The following PKIB variants were observed in gnomAD, a reference collection of about 807,000 sequenced individuals.
PKIB encodes the protein cAMP-dependent protein kinase inhibitor beta, also known as PKI-beta.
In PKIB, 2 loss-of-function variants were observed where a neutral mutation model predicts 4.5. The observed-to-expected ratio is 0.44, with a 90% CI of 0.18 to 1.39. The LOEUF is 1.39. Among genes scored for constraint, PKIB ranks in the 40% most tolerant of loss-of-function variants. The pLI, the probability that PKIB is intolerant of heterozygous loss-of-function variation, is 0.27. For synonymous variants in PKIB, 38 were observed against 36.0 expected (o/e 1.06, Z -0.20); for missense variants, 94 against 92.6 (o/e 1.02, Z -0.06).
intron 3 of PKIB, among the ~76,000 whole-genome samples, chr6:122,592,967 G>T (rs1016007483): frequency 6.6e-6 from 1 of 152,146 alleles, no homozygotes; most frequent in Non-Finnish European, 1.5e-5. Context: ...AATATTTGGG[G>T]TCAAGTAACG....
chr6:122,539,194 C>A (rs1305584336), intron 2 of PKIB, among the ~76,000 whole-genome samples: 3 of 151,960 alleles, frequency 2.0e-5, no homozygotes, highest in Non-Finnish European at 4.4e-5. Context: ...GCCTAATTGC[C>A]CTGGCCAGAA....
Position 122,587,870 on chromosome 6 carries a change from G to C in PKIB, c.-161+1863G>C, listed in dbSNP as rs147690546. 2.0e-3 allele frequency among the ~76,000 whole-genome samples: 309 copies of C among 152,130 alleles called. 7 individuals are homozygous for C. In the East Asian group the frequency reaches 0.042, roughly 20 times the overall value. On this transcript the variant is annotated intron_variant, in intron 3 of 6. Coordinates refer to the PKIB transcript ENST00000392491. ...ATATCCTTCGTCTACTTGTTGATGG[G>C]GTTGTTTTTTTCTTGTAAATTTGTT...
chr6:122,616,849 A>C (rs111393114), intron 1 of PKIB, among the ~76,000 whole-genome samples: 5 of 152,242 alleles, frequency 3.3e-5, no homozygotes, highest in African/African-American at 1.2e-4. Context: ...CATTTTCACT[A>C]ATTTCGTTTA....
At chr6:122,578,531 C>A (rs1347136632) in intron 2 of PKIB, among the ~76,000 whole-genome samples, 2 of 151,896 alleles carry the variant, frequency 1.3e-5, no homozygotes, top group East Asian at 3.9e-4. Flanking sequence ...TTTTCAATTC[C>A]CTATATTAAA....
intron 2 of PKIB, among the ~76,000 whole-genome samples, chr6:122,501,673 C>T (rs943825187): frequency 3.3e-5 from 5 of 152,170 alleles, no homozygotes; most frequent in Non-Finnish European, 7.3e-5. Flanking sequence ...ACCATTTTTC[C>T]CTCCTAGACC....
chr6:122,503,921 C>G (rs149104817), intron 2 of PKIB, among the ~76,000 whole-genome samples: 252 of 152,294 alleles, frequency 1.7e-3, no homozygotes, highest in African/African-American at 5.8e-3. Context: ...TTTAGTCAAA[C>G]ATGTTCAACT....
chr6:122,520,470 G>A (rs1047313307), intron 2 of PKIB, among the ~76,000 whole-genome samples: 5 of 152,152 alleles, frequency 3.3e-5, no homozygotes, highest in African/African-American at 9.7e-5. Context: ...TATCAAGAGT[G>A]TCTATTTACC....
chr6:122,564,906 G>A (rs1773140846), intron 2 of PKIB, among the ~76,000 whole-genome samples: 1 of 152,098 alleles, frequency 6.6e-6, no homozygotes, highest in Non-Finnish European at 1.5e-5. Flanking sequence ...ATTTCTTACA[G>A]CCTTGGGAGG....
intron 2 of PKIB, among the ~76,000 whole-genome samples, chr6:122,583,342 C>T (rs1407964284): frequency 6.6e-6 from 1 of 152,032 alleles, no homozygotes; most frequent in Non-Finnish European, 1.5e-5. Context: ...AGGACTTATA[C>T]ATTCTTAATA....
At chr6:122,636,442 TAAC>T (rs1313735411) in intron 2 of PKIB, among the ~76,000 whole-genome samples, 1 of 152,034 alleles carries the variant, frequency 6.6e-6, no homozygotes, top group African/African-American at 2.4e-5. Context: ...AATCTCATCA[TAAC>T]AATTAAATAT....
At chr6:122,651,659 C>T (rs192782503) in intron 2 of PKIB, among the ~76,000 whole-genome samples, 1 of 152,186 alleles carries the variant, frequency 6.6e-6, no homozygotes. Flanking sequence ...AGGAGAAATT[C>T]ATTTTGTGTT....
chr6:122,677,311 G>GT lies in PKIB; in HGVS notation c.-9+2175dup, dbSNP rs201185967. On this transcript the variant is annotated intron_variant, in intron 3 of 4. Coordinates refer to ENST00000368452, the MANE Select transcript of PKIB (RefSeq NM_181795.3). Reference sequence around the variant, plus strand: ...GGGCTGAAGCAAGGCCTTGGAACTTGTTTTTTTTGTTTATTTGTTTTTTGT... The same window carrying GT: ...GGGCTGAAGCAAGGCCTTGGAACTTGTTTTTTTTTGTTTATTTGTTTTTTGT... Among the ~76,000 whole-genome samples, 28 of 151,884 alleles carry GT rather than the reference G, an allele frequency of 1.8e-4. No homozygotes were observed. In the East Asian group the frequency reaches 4.3e-3, roughly 23 times the overall value.
rs147623318 is a variant in PKIB at position 122,541,498 on chromosome 6, T to C, written c.-247-44423T>C. Among the ~76,000 whole-genome samples the C allele has an allele frequency of 8.4e-3, 1,277 of 152,142 alleles. 7 individuals are homozygous for C. The highest frequency in any genetic ancestry group is 0.015 in the South Asian group (70 of 4,822). ...TTGAAAATTCTGTTCTTTAAGAATGTTGAATATTGGCCCCCACTCTCTTCT... is the reference window on the plus strand; with the variant it reads ...TTGAAAATTCTGTTCTTTAAGAATGCTGAATATTGGCCCCCACTCTCTTCT... On this transcript the variant is annotated intron_variant, in intron 2 of 6. Transcript: ENST00000392491.
At chr6:122,539,619 C>G (rs1297735650) in intron 2 of PKIB, among the ~76,000 whole-genome samples, 1 of 152,064 alleles carries the variant, frequency 6.6e-6, no homozygotes, top group Non-Finnish European at 1.5e-5. Context: ...CAATGTTCAT[C>G]AAGGATATTG....
intron 3 of PKIB, among the ~76,000 whole-genome samples, chr6:122,597,427 G>C (rs1774212822): frequency 6.6e-6 from 1 of 152,130 alleles, no homozygotes; most frequent in Non-Finnish European, 1.5e-5. Flanking sequence ...CTGCATACAA[G>C]GTACCAGGAG....
chr6:122,715,279 G>A (rs1411036397), intron 3 of PKIB, among the ~76,000 whole-genome samples: 1 of 151,834 alleles, frequency 6.6e-6, no homozygotes, highest in Non-Finnish European at 1.5e-5. Flanking sequence ...TAATTGTAAG[G>A]TTTTAGACTA....
chr6:122,715,734 TG>T (rs1317346792), intron 3 of PKIB, among the ~76,000 whole-genome samples: 1 of 151,762 alleles, frequency 6.6e-6, no homozygotes, highest in Non-Finnish European at 1.5e-5. Flanking sequence ...TTTTTCCCCC[TG>T]TTTTCTCTAT....
rs1301292889 is a variant in PKIB at position 122,651,279 on chromosome 6, A to G, written c.-76+17912A>G. 3.3e-5 allele frequency among the ~76,000 whole-genome samples: 5 copies of G among 152,276 alleles called. No homozygotes were observed. The East Asian group carries it at 7.7e-4, about 24-fold the overall frequency. The stretch of plus-strand genomic sequence containing the variant: ...ATTTACGTATTCCCCAGATTGTATA[A>G]ATTGGAAAACTCATGCAATTCGTTT... On this transcript the variant is annotated intron_variant, in intron 2 of 4. Transcript: ENST00000368452.
chr6:122,630,001 T>C (rs886598272), intron 1 of PKIB, among the ~76,000 whole-genome samples: 1 of 152,194 alleles, frequency 6.6e-6, no homozygotes, highest in Non-Finnish European at 1.5e-5. Flanking sequence ...AGTTCATTAA[T>C]TGTAATAAAT....
Sources: gnomAD v4.1 joint callset for allele counts (sites outside exome capture counted in the v4.1 genomes callset) on GRCh38, gnomAD v4.1.1 for gene constraint, MANE v1.5 for transcripts, NCBI Gene and HGNC (gene_info 2026-07-23, HGNC 2026-07-21) for gene names.